Variants in RPTOR observed in about 807,000 individuals in gnomAD.
RPTOR encodes regulatory associated protein of MTOR complex 1.
Under a neutral mutation model 169.9 loss-of-function variants are expected in RPTOR, and 21 were observed. The observed-to-expected ratio is 0.12, with a 90% CI of 0.09 to 0.18. The LOEUF (loss-of-function observed/expected upper bound fraction) is 0.18. Ranked by LOEUF, RPTOR falls within the 10% of genes least tolerant of loss-of-function variation. The pLI, the probability that RPTOR is intolerant of heterozygous loss-of-function variation, is 1.00. For missense variants in RPTOR, 1,133 were observed against 1,855.9 expected (o/e 0.61, Z 7.16); for synonymous variants, 732 against 753.2 (o/e 0.97, Z 0.46).
chr17:80,947,817 A>C lies in RPTOR; in HGVS notation c.3265+466A>C, dbSNP rs2069121270. 6.6e-6 allele frequency among the ~76,000 whole-genome samples: 1 copy of C among 152,096 alleles called. No individual in the cohort carries two copies. Among genetic ancestry groups the C allele is most frequent in the Non-Finnish European group, 1.5e-5 (1 of 68,028 alleles). On this transcript the variant is annotated intron_variant, in intron 27 of 33. Coordinates refer to ENST00000306801, the MANE Select transcript of RPTOR (RefSeq NM_020761.3). The surrounding 1 kb of genome is among the most constrained non-coding windows in gnomAD (Gnocchi z 4.4). The stretch of plus-strand genomic sequence containing the variant: ...TCACCCTCCTCCAGTCCCGTCCTGC[A>C]CCTGAAAGGACATCGTTGACCATCA...
chr17:80,781,386 C>T (rs1004826870), intron 6 of RPTOR, among the ~76,000 whole-genome samples: 38 of 152,188 alleles, frequency 2.5e-4, no homozygotes, highest in African/African-American at 8.4e-4. Context: ...ACTTCCTCCC[C>T]GTGGCCGCCC....
At chr17:80,716,618 G>C (rs1314776739) in intron 4 of RPTOR, among the ~76,000 whole-genome samples, 1 of 152,024 alleles carries the variant, frequency 6.6e-6, no homozygotes, top group Non-Finnish European at 1.5e-5. Flanking sequence ...TTTGCTTTTG[G>C]GTTCTTGCTC....
At chr17:80,747,377 C>G (rs938480445) in intron 5 of RPTOR, among the ~76,000 whole-genome samples, 1 of 152,188 alleles carries the variant, frequency 6.6e-6, no homozygotes, top group African/African-American at 2.4e-5. Flanking sequence ...GAGTGGAGCA[C>G]TGTCATTGCC....
intron 3 of RPTOR, among the ~76,000 whole-genome samples, chr17:80,686,087 A>G (rs1290359968): frequency 6.6e-6 from 1 of 151,756 alleles, no homozygotes; most frequent in Non-Finnish European, 1.5e-5. Flanking sequence ...GATTGGGAGG[A>G]TGGGCCATGG....
At chr17:80,755,022 G>A (rs1179910979) in intron 6 of RPTOR, among the ~76,000 whole-genome samples, 2 of 152,182 alleles carry the variant, frequency 1.3e-5, no homozygotes, top group Non-Finnish European at 2.9e-5. Context: ...CGGACACGGG[G>A]AGCTAACAGC....
chr17:80,735,519 C>T (rs914273348), intron 5 of RPTOR, among the ~76,000 whole-genome samples: 9 of 152,196 alleles, frequency 5.9e-5, no homozygotes, highest in Admixed American at 3.3e-4. Flanking sequence ...AACAGATGCT[C>T]TTGGAAACGG....
chr17:80,831,891 G>A (rs1274817166), intron 9 of RPTOR, among the ~76,000 whole-genome samples: 3 of 152,216 alleles, frequency 2.0e-5, no homozygotes, highest in Admixed American at 2.0e-4. Flanking sequence ...GTATCACTGT[G>A]CACACAGTAA....
Position 80,659,817 on chromosome 17 carries a change from A to C in RPTOR, c.348+16007A>C, listed in dbSNP as rs2065707708. ...GCGCCCGGACCATCTGGCTAATTTAAAAAATTTTTTTGTAGAGATAAGGTC... is the reference window on the plus strand; with the variant it reads ...GCGCCCGGACCATCTGGCTAATTTACAAAATTTTTTTGTAGAGATAAGGTC... On this transcript the variant is annotated intron_variant, in intron 3 of 33. Transcript: ENST00000306801. The surrounding 1 kb of genome is among the most constrained non-coding windows in gnomAD (Gnocchi z 4.3). 6.6e-6 allele frequency among the ~76,000 whole-genome samples: 1 copy of C among 152,122 alleles called. No individual in the cohort carries two copies. The highest frequency in any genetic ancestry group is 2.1e-4 in the South Asian group (1 of 4,824).
At chr17:80,635,767 T>C (rs1356718240) in intron 2 of RPTOR, among the ~76,000 whole-genome samples, 1 of 152,020 alleles carries the variant, frequency 6.6e-6, no homozygotes, top group South Asian at 2.1e-4. Context: ...TTGTCAAGGC[T>C]GAGGTGGTGT....
rs564301085 is a variant in RPTOR at position 80,754,783 on chromosome 17, C to T, written c.830+598C>T. On this transcript the variant is annotated intron_variant, in intron 6 of 33. Coordinates refer to ENST00000306801, the MANE Select transcript of RPTOR (RefSeq NM_020761.3). The surrounding 1 kb of genome is among the most constrained non-coding windows in gnomAD (Gnocchi z 4.2). The stretch of plus-strand genomic sequence containing the variant: ...CCAAATCCAATATTCTCCCCTAGAC[C>T]ATCTTGCCAGTCTTTAATATCTCCT... Among the ~76,000 whole-genome samples the T allele has an allele frequency of 8.5e-5, 13 of 152,320 alleles. No homozygotes were observed. The highest frequency in any genetic ancestry group is 1.3e-4 in the Admixed American group (2 of 15,300).
chr17:80,922,931 G>A lies in RPTOR; in HGVS notation c.2624+104G>A, dbSNP rs949942760. 7.9e-5 allele frequency: 78 copies of A among 986,776 alleles called. 2 individuals carry two copies. The Middle Eastern group carries it at 1.4e-3, about 18-fold the overall frequency. The allele number at this position is 986,776 out of a possible 1,614,324, so 61.1% of individuals were successfully genotyped here. On this transcript the variant is annotated intron_variant, in intron 22 of 33. Transcript: ENST00000306801. ...CCCCATCCTCCTCCTTCCCCGCCCT[G>A]TCTTGGCTTCGTCTCCTCCCCCCTC...
At chr17:80,644,469 T>C (rs2065578162) in intron 3 of RPTOR, among the ~76,000 whole-genome samples, 1 of 152,146 alleles carries the variant, frequency 6.6e-6, no homozygotes, top group Non-Finnish European at 1.5e-5. Flanking sequence ...GTTTGGAGAT[T>C]TAATAAATTT....
chr17:80,887,358 CGACTCCGGGGGTGTGCT>C (rs2068261134), intron 17 of RPTOR, among the ~76,000 whole-genome samples: 2 of 101,862 alleles, frequency 2.0e-5, no homozygotes, highest in Admixed American at 2.9e-4. Context: ...GGGGGTGTAC[CGACTCCGGGGGTGTGCT>C]GACTCTTGGG....
chr17:80,602,818 C>T, intron 1 of RPTOR: 1 of 661,808 alleles, frequency 1.5e-6, no homozygotes, highest in Non-Finnish European at 2.8e-6. Context: ...TTCATGAAGC[C>T]CACTCCGTGG....
intron 4 of RPTOR, among the ~76,000 whole-genome samples, chr17:80,712,932 T>C (rs1419792924): frequency 6.6e-6 from 1 of 152,260 alleles, no homozygotes; most frequent in Non-Finnish European, 1.5e-5. Flanking sequence ...TGGGCGTCTT[T>C]GCATGTTCTT....
chr17:80,768,109 G>A (rs906793091), intron 6 of RPTOR, among the ~76,000 whole-genome samples: 15 of 152,104 alleles, frequency 9.9e-5, no homozygotes, highest in African/African-American at 2.9e-4. Flanking sequence ...TGATCCGCCC[G>A]CCTCGGCCTC....
In RPTOR at chr17:80,651,094, C is replaced by T. The variant is rs931161972; in HGVS notation, c.348+7284C>T. On this transcript the variant is annotated intron_variant, in intron 3 of 33. Coordinates refer to ENST00000306801, the MANE Select transcript of RPTOR (RefSeq NM_020761.3). The surrounding 1 kb of genome is among the most constrained non-coding windows in gnomAD (Gnocchi z 4.1). The stretch of plus-strand genomic sequence containing the variant: ...AGCTGTTGTCGTTTCACAGATCTCA[C>T]GTGCCATGTGTGTTTCCTGAGTTAA... 5.3e-5 allele frequency among the ~76,000 whole-genome samples: 8 copies of T among 152,156 alleles called. No individual in the cohort carries two copies. Among genetic ancestry groups the T allele is most frequent in the Non-Finnish European group, 1.0e-4 (7 of 68,022 alleles).
intron 28 of RPTOR, among the ~76,000 whole-genome samples, chr17:80,952,907 C>T (rs1174474967): frequency 7.5e-6 from 1 of 133,556 alleles, no homozygotes. Flanking sequence ...CTCTGTTGCC[C>T]AGGCTGGAGT....
At chr17:80,856,310 A>G (rs561041277) in intron 12 of RPTOR, among the ~76,000 whole-genome samples, 52 of 152,280 alleles carry the variant, frequency 3.4e-4, no homozygotes, top group Middle Eastern at 6.8e-3. Context: ...AAAGAGACCT[A>G]ATTTTTTAGA....
Sources: gnomAD v4.1 joint callset for allele counts (sites outside exome capture counted in the v4.1 genomes callset) on GRCh38, gnomAD v4.1.1 for gene constraint, Gnocchi (gnomAD v3.1) non-coding constraint, MANE v1.5 for transcripts, NCBI Gene and HGNC (gene_info 2026-07-23, HGNC 2026-07-21) for gene names.